The following SLC25A21 variants were observed in gnomAD, a reference collection of about 807,000 sequenced individuals.
SLC25A21 encodes the protein solute carrier family 25 member 21.
A neutral mutation model predicts 43.8 loss-of-function variants in SLC25A21; 47 were observed. The ratio of observed to expected loss-of-function variants is 1.07; its 90% CI spans 0.85 to 1.37. The LOEUF (loss-of-function observed/expected upper bound fraction) is 1.37, where lower values mean the gene tolerates loss of function less well. SLC25A21 is among the 40% of genes most tolerant of loss of function. The pLI is 0.00. For missense variants in SLC25A21, 352 were observed against 350.2 expected, an observed-to-expected ratio of 1.00 and a Z score of -0.04; for synonymous variants, 131 against 121.3, an observed-to-expected ratio of 1.08 and a Z score of -0.52.
rs550842479 is a variant in SLC25A21 at position 36,789,862 on chromosome 14, TA to T, written c.203+24055del. Among the ~76,000 whole-genome samples, 79 of 103,820 alleles carry T rather than the reference TA, an allele frequency of 7.6e-4. 6 individuals carry two copies. Among genetic ancestry groups the T allele is most frequent in the South Asian group, 1.9e-3 (7 of 3,726 alleles). The allele number at this position is 103,820 out of a possible 152,430, so 68.1% of individuals were successfully genotyped here. On this transcript the variant is annotated intron_variant, in intron 3 of 9. Transcript: ENST00000331299. ...ATTTAATATATTTTATATATTTATA[TA>T]AAAATATATTATATATTTATATAAA...
chr14:37,138,186 C>T (rs1256612146), intron 1 of SLC25A21, among the ~76,000 whole-genome samples: 1 of 151,984 alleles, frequency 6.6e-6, no homozygotes, highest in Non-Finnish European at 1.5e-5. Flanking sequence ...ATTTAAAAAG[C>T]AACTCAAGAA....
rs1180937878 is a variant in SLC25A21 at position 36,679,885 on chromosome 14, A to AATT, written c.*770_*772dup. 1.0e-6 allele frequency: 1 copy of AATT among 972,656 alleles called. No individual in the cohort carries two copies. Among genetic ancestry groups the AATT allele is most frequent in the African/African-American group, 1.8e-5 (1 of 56,878 alleles). The allele number at this position is 972,656 out of a possible 1,614,324, so 60.3% of individuals were successfully genotyped here. A position where few individuals can be genotyped will look rare whatever the true frequency, so the allele number is the denominator to read the frequency against. On this transcript the variant is annotated 3_prime_UTR_variant, in exon 10 of 10. Coordinates refer to ENST00000331299, the MANE Select transcript of SLC25A21 (RefSeq NM_030631.4). ...AAAGAGAACTATGTGGAGGAAAGTA[A>AATT]ATTTTATTTCATGTTTCCTACTTGT...
chr14:36,789,862 TAAA>T (rs550842479), intron 3 of SLC25A21, among the ~76,000 whole-genome samples: 34 of 103,782 alleles, frequency 3.3e-4, no homozygotes, highest in Admixed American at 1.1e-3. Flanking sequence ...TATATTTATA[TAAA>T]AATATATTAT....
rs559782808 is a variant in SLC25A21 at position 36,937,190 on chromosome 14, G to A, written c.71-62186C>T. Among the ~76,000 whole-genome samples, 8 of 152,284 alleles carry A rather than the reference G, an allele frequency of 5.3e-5. No homozygotes were observed. The East Asian group carries it at 1.2e-3, about 22-fold the overall frequency. ...CTAAGCCGGGCGATGCTGAAGGCAC[G>A]TTGCCCCACATTTCTCCACATTGTC... On this transcript the variant is annotated intron_variant, in intron 1 of 9. Transcript: ENST00000331299.
rs531141260 is a variant in SLC25A21 at position 37,026,244 on chromosome 14, A to G, written c.70+146037T>C. 5.5e-4 allele frequency among the ~76,000 whole-genome samples: 84 copies of G among 152,274 alleles called. No individual in the cohort carries two copies. In the South Asian group the frequency reaches 0.016, roughly 29 times the overall value. ...TATCATTAGTTTTCAATTATTTTCA[A>G]TAACTCTTTTCCCACACTATTATAA... On this transcript the variant is annotated intron_variant, in intron 1 of 9. Coordinates refer to ENST00000331299, the MANE Select transcript of SLC25A21 (RefSeq NM_030631.4).
rs117066843 is a variant in SLC25A21 at position 36,719,051 on chromosome 14, G to A, written c.438+6519C>T. Among the ~76,000 whole-genome samples the A allele has an allele frequency of 5.3e-3, 813 of 152,204 alleles. 7 individuals are homozygous for A. The highest frequency in any genetic ancestry group is 0.027 in the Middle Eastern group (8 of 294). On this transcript the variant is annotated intron_variant, in intron 6 of 9. Coordinates refer to ENST00000331299, the MANE Select transcript of SLC25A21 (RefSeq NM_030631.4). ...AGAGGCAAATCCTATAGACCTCAAG[G>A]GAAGGAAAACATAACCCTTTAGCCA...
intron 1 of SLC25A21, among the ~76,000 whole-genome samples, chr14:37,107,113 C>A (rs1962928678): frequency 6.6e-6 from 1 of 151,902 alleles, no homozygotes. Context: ...AGAGAAATTT[C>A]TTTTTAAAAA....
intron 1 of SLC25A21, among the ~76,000 whole-genome samples, chr14:36,876,956 T>G (rs1890552877): frequency 6.9e-6 from 1 of 145,648 alleles, no homozygotes. Flanking sequence ...CACACATACA[T>G]ATACATATAT....
chr14:36,923,316 T>TA (rs567446152), intron 1 of SLC25A21, among the ~76,000 whole-genome samples: 13 of 152,002 alleles, frequency 8.6e-5, no homozygotes, highest in East Asian at 3.9e-4. Flanking sequence ...CAAATACTGA[T>TA]AAAAAAATAT....
intron 1 of SLC25A21, among the ~76,000 whole-genome samples, chr14:36,943,208 T>G (rs1033539613): frequency 1.3e-5 from 2 of 152,150 alleles, no homozygotes; most frequent in African/African-American, 4.8e-5. Context: ...TCCCTGTGTT[T>G]AAGACTGAGT....
intron 3 of SLC25A21, among the ~76,000 whole-genome samples, chr14:36,747,317 G>A (rs547633971): frequency 6.6e-6 from 1 of 152,168 alleles, no homozygotes; most frequent in Non-Finnish European, 1.5e-5. Context: ...TCAACCACAT[G>A]TTAGCTGTTT....
chr14:36,797,665 G>A (rs907839870), intron 3 of SLC25A21, among the ~76,000 whole-genome samples: 5 of 152,164 alleles, frequency 3.3e-5, no homozygotes, highest in Admixed American at 2.0e-4. Context: ...AACCCTTGCT[G>A]TGAAACCTAA....
At chr14:36,778,621 C>T (rs1007787752) in intron 3 of SLC25A21, among the ~76,000 whole-genome samples, 2 of 152,106 alleles carry the variant, frequency 1.3e-5, no homozygotes, top group Admixed American at 1.3e-4. Context: ...AGAATGGAAG[C>T]CCAAGAACAT....
chr14:37,092,297 C>T (rs1384267027), intron 1 of SLC25A21, among the ~76,000 whole-genome samples: 1 of 152,106 alleles, frequency 6.6e-6, no homozygotes, highest in African/African-American at 2.4e-5. Context: ...TTAATGGCAC[C>T]TATAGCTACT....
At chr14:36,991,591 A>G (rs1482702316) in intron 1 of SLC25A21, among the ~76,000 whole-genome samples, 1 of 152,188 alleles carries the variant, frequency 6.6e-6, no homozygotes, top group Non-Finnish European at 1.5e-5. Context: ...AAGGGAGGTA[A>G]TATTATTATT....
At chr14:36,925,472 C>T (rs544839009) in intron 1 of SLC25A21, among the ~76,000 whole-genome samples, 1 of 152,218 alleles carries the variant, frequency 6.6e-6, no homozygotes, top group East Asian at 1.9e-4. Flanking sequence ...AGAACATTAT[C>T]AGAAATTAGA....
intron 2 of SLC25A21, among the ~76,000 whole-genome samples, chr14:36,832,641 A>T (rs751091597): frequency 6.6e-6 from 1 of 152,162 alleles, no homozygotes; most frequent in Non-Finnish European, 1.5e-5. Flanking sequence ...AACAAACAAC[A>T]TTATAAACAA....
At chr14:36,940,504 A>G (rs1892529760) in intron 1 of SLC25A21, among the ~76,000 whole-genome samples, 1 of 152,104 alleles carries the variant, frequency 6.6e-6, no homozygotes, top group Admixed American at 6.6e-5. Context: ...AATACAGAAA[A>G]AAGTGATGTG....
chr14:36,680,654 G>GCAAT lies in SLC25A21; in HGVS notation c.900_*3dup, dbSNP rs1882199760. The GCAAT allele has an allele frequency of 4.3e-6, 7 of 1,611,380 alleles. No individual in the cohort carries two copies. Among genetic ancestry groups the GCAAT allele is most frequent in the Middle Eastern group, 1.6e-4 (1 of 6,080 alleles). On this transcript the variant is annotated 3_prime_UTR_variant, in exon 10 of 10. Transcript: ENST00000331299. Reference sequence around the variant, plus strand: ...CTCAAGGGGGAAAAACACTTCATAGGCAATCACCAGTTCTCTTGAAGCCAT... The same window carrying GCAAT: ...CTCAAGGGGGAAAAACACTTCATAGGCAATCAATCACCAGTTCTCTTGAAGCCAT...
Sources: gnomAD v4.1 joint callset for allele counts (sites outside exome capture counted in the v4.1 genomes callset) on GRCh38, gnomAD v4.1.1 for gene constraint, MANE v1.5 for transcripts, NCBI Gene and HGNC (gene_info 2026-07-23, HGNC 2026-07-21) for gene names.